Variants in FSTL5 observed in about 807,000 individuals in gnomAD.
The protein encoded by FSTL5 is follistatin-related protein 5.
A neutral mutation model predicts 89.1 loss-of-function variants in FSTL5; 62 were observed. The observed-to-expected ratio is 0.70, with a 90% confidence interval of 0.57 to 0.86. The LOEUF (loss-of-function observed/expected upper bound fraction) is 0.86. FSTL5 is among the 40% of genes least tolerant of loss of function. The probability of loss-of-function intolerance (pLI) is 0.00; values close to 1 mark genes in which losing one functional copy is unlikely to be tolerated. For synonymous variants in FSTL5, 383 were observed against 346.2 expected, an observed-to-expected ratio of 1.11 and a Z score of -1.18; for missense variants, 1,057 against 1,001.6, an observed-to-expected ratio of 1.06 and a Z score of -0.75.
chr4:161,991,638 C>T (rs915682255), intron 3 of FSTL5, among the ~76,000 whole-genome samples: 1 of 152,046 alleles, frequency 6.6e-6, no homozygotes, highest in African/African-American at 2.4e-5. Flanking sequence ...ATGCAAAGCC[C>T]GTGTATGCAG....
At chr4:161,641,770 A>C (rs562632285) in intron 7 of FSTL5, among the ~76,000 whole-genome samples, 1 of 152,066 alleles carries the variant, frequency 6.6e-6, no homozygotes, top group South Asian at 2.1e-4. Context: ...GATTACAGGC[A>C]TGAGCCACCG....
intron 4 of FSTL5, among the ~76,000 whole-genome samples, chr4:161,802,214 A>C (rs2126830428): frequency 6.6e-6 from 1 of 151,868 alleles, no homozygotes; most frequent in African/African-American, 2.4e-5. Context: ...AAATAGGTGC[A>C]GTCATTGGTC....
In FSTL5 at chr4:162,040,759, C is replaced by A. The variant is rs530627037; in HGVS notation, c.127-7101G>T. ...AGTCATATCCCTGATCCAGTCTTAC[C>A]TCCTCAACAAGGCCTTCGCTGAACA... is the stretch of plus-strand genomic sequence containing the variant. On this transcript the variant is annotated intron_variant, in intron 2 of 15. Transcript: ENST00000306100. 4.6e-5 allele frequency among the ~76,000 whole-genome samples: 7 copies of A among 152,102 alleles called. No individual in the cohort carries two copies. The East Asian group carries it at 1.4e-3, about 29-fold the overall frequency.
intron 3 of FSTL5, among the ~76,000 whole-genome samples, chr4:161,922,187 CTT>C (rs1211544862): frequency 6.6e-6 from 1 of 151,694 alleles, no homozygotes; most frequent in African/African-American, 2.4e-5. Context: ...CTATTTGACT[CTT>C]TGATAAAATA....
At chr4:161,762,873 A>G (rs1740856340) in intron 5 of FSTL5, among the ~76,000 whole-genome samples, 2 of 152,122 alleles carry the variant, frequency 1.3e-5, no homozygotes, top group African/African-American at 4.8e-5. Flanking sequence ...GGTTTGGTTC[A>G]GTGTGAAAAA....
At chr4:161,703,779 T>A (rs956942755) in intron 6 of FSTL5, among the ~76,000 whole-genome samples, 10 of 152,164 alleles carry the variant, frequency 6.6e-5, no homozygotes, top group African/African-American at 2.4e-4. Context: ...ATTTTTCAGT[T>A]ACCTGCTATA....
intron 12 of FSTL5, among the ~76,000 whole-genome samples, chr4:161,488,702 A>C (rs1206824979): frequency 3.3e-5 from 5 of 152,186 alleles, no homozygotes; most frequent in Non-Finnish European, 5.9e-5. Context: ...TGAAGTGATC[A>C]ATAAAAGTTA....
chr4:161,429,044 C>T (rs186909858), intron 15 of FSTL5, among the ~76,000 whole-genome samples: 145 of 152,212 alleles, frequency 9.5e-4, no homozygotes, highest in Admixed American at 1.6e-3. Context: ...CACAAGCTTA[C>T]TGAAGCCCTC....
At chr4:161,887,392 C>CTATCTATCT (rs1326576858) in intron 4 of FSTL5, among the ~76,000 whole-genome samples, 1 of 133,004 alleles carries the variant, frequency 7.5e-6, no homozygotes, top group African/African-American at 2.7e-5. Flanking sequence ...CTCTATCTAT[C>CTATCTATCT]ATCTATCTAT....
chr4:161,435,361 C>T (rs1282181038), intron 15 of FSTL5, among the ~76,000 whole-genome samples: 2 of 151,712 alleles, frequency 1.3e-5, no homozygotes, highest in Non-Finnish European at 2.9e-5. Context: ...TTTGTGGGAG[C>T]TAAAATTTCA....
At chr4:162,119,451 T>A (rs907369624) in intron 1 of FSTL5, among the ~76,000 whole-genome samples, 4 of 152,234 alleles carry the variant, frequency 2.6e-5, no homozygotes, top group African/African-American at 9.6e-5. Context: ...CCAGATTGTA[T>A]GTAAAAGGCC....
chr4:161,573,184 C>A (rs1215693750), intron 8 of FSTL5, among the ~76,000 whole-genome samples: 2 of 151,502 alleles, frequency 1.3e-5, no homozygotes, highest in African/African-American at 2.4e-5. Flanking sequence ...CTGAGTCAAG[C>A]GAATTGCTTG....
chr4:162,061,525 C>T (rs1309216187), intron 2 of FSTL5, among the ~76,000 whole-genome samples: 2 of 152,126 alleles, frequency 1.3e-5, no homozygotes, highest in Non-Finnish European at 2.9e-5. Flanking sequence ...GCAGCAGACA[C>T]CACTCCTACT....
chr4:162,116,190 G>A (rs1254021153), intron 1 of FSTL5, among the ~76,000 whole-genome samples: 4 of 152,174 alleles, frequency 2.6e-5, no homozygotes, highest in Non-Finnish European at 5.9e-5. Context: ...TTATTGCAAA[G>A]CAGCAGTGCA....
Position 161,499,998 on chromosome 4 carries a change from AACTTTTTAGAT to A in FSTL5, c.1458+7_1458+17del, listed in dbSNP as rs758670750. On this transcript the variant is annotated splice_region_variant and intron_variant, in intron 12 of 15. Transcript: ENST00000306100. ...AAATTTCTGCATAAAACGTCAAAGG[AACTTTTTAGAT>A]ACTTGCCTGAAATCCAAGGAGCTTT... 6.9e-7 allele frequency: 1 copy of A among 1,454,710 alleles called. No homozygotes were observed. Among genetic ancestry groups the A allele is most frequent in the Non-Finnish European group, 9.6e-7 (1 of 1,040,780 alleles). The allele number at this position is 1,454,710 out of a possible 1,614,324, so 90.1% of individuals were successfully genotyped here.
intron 4 of FSTL5, among the ~76,000 whole-genome samples, chr4:161,915,529 G>A (rs1319764624): frequency 6.6e-6 from 1 of 151,748 alleles, no homozygotes; most frequent in African/African-American, 2.4e-5. Context: ...ATAAATGGCA[G>A]GTAAACATAT....
intron 6 of FSTL5, 136 bp downstream of exon 6, chr4:161,759,275 T>C: frequency 3.9e-6 from 3 of 764,064 alleles, no homozygotes; most frequent in Non-Finnish European, 6.0e-6. Flanking sequence ...CAATACAACT[T>C]GAAACTTAAA....
chr4:161,566,889 G>A (rs1397048537), intron 8 of FSTL5, among the ~76,000 whole-genome samples: 2 of 152,038 alleles, frequency 1.3e-5, no homozygotes, highest in African/African-American at 4.8e-5. Context: ...TGCACCAGAG[G>A]CAGCAAATTA....
At chr4:162,001,397 T>C (rs1301420646) in intron 3 of FSTL5, among the ~76,000 whole-genome samples, 2 of 152,158 alleles carry the variant, frequency 1.3e-5, no homozygotes, top group Non-Finnish European at 2.9e-5. Flanking sequence ...GGAGGCATCA[T>C]TGAATAGTAG....
Sources: gnomAD v4.1 joint callset for allele counts (sites outside exome capture counted in the v4.1 genomes callset) on GRCh38, gnomAD v4.1.1 for gene constraint, MANE v1.5 for transcripts, NCBI Gene and HGNC (gene_info 2026-07-23, HGNC 2026-07-21) for gene names.